The following CCSER1 variants were observed in gnomAD, a reference collection of about 807,000 sequenced individuals.
The protein encoded by CCSER1 is serine-rich coiled-coil domain-containing protein 1.
In CCSER1, 41 loss-of-function variants were observed where a neutral mutation model predicts 82.0. The ratio of observed to expected loss-of-function variants is 0.50; its 90% confidence interval spans 0.39 to 0.65. The LOEUF is 0.65. CCSER1 is among the 30% of genes least tolerant of loss of function. The pLI, the probability that CCSER1 is intolerant of heterozygous loss-of-function variation, is 0.00. For synonymous variants in CCSER1, 414 were observed against 383.9 expected, an observed-to-expected ratio of 1.08 and a Z score of -0.92; for missense variants, 1,119 against 1,064.2, an observed-to-expected ratio of 1.05 and a Z score of -0.72.
At chr4:91,166,840 A>T (rs1478818155) in intron 10 of CCSER1, among the ~76,000 whole-genome samples, 2 of 152,152 alleles carry the variant, frequency 1.3e-5, no homozygotes, top group Non-Finnish European at 2.9e-5. Context: ...TTCTCACTTC[A>T]TTCTACTGGG....
chr4:90,467,069 T>C (rs1044865468), intron 4 of CCSER1, among the ~76,000 whole-genome samples: 1 of 151,982 alleles, frequency 6.6e-6, no homozygotes, highest in Non-Finnish European at 1.5e-5. Flanking sequence ...TAATCACACA[T>C]TGAATGAAAT....
intron 7 of CCSER1, chr4:90,782,073 G>A (rs537231286): frequency 5.3e-6 from 3 of 569,942 alleles, no homozygotes; most frequent in Admixed American, 1.3e-4. Context: ...ACTTTCTTGA[G>A]TATTCAAGGA....
intron 1 of CCSER1, among the ~76,000 whole-genome samples, chr4:90,147,118 CTT>C (rs1305693524): frequency 2.7e-5 from 4 of 145,698 alleles, no homozygotes; most frequent in Non-Finnish European, 6.2e-5. Context: ...TGTTTAATAA[CTT>C]AACAGTCATT....
intron 9 of CCSER1, among the ~76,000 whole-genome samples, chr4:91,056,646 A>G (rs1328113391): frequency 6.6e-6 from 1 of 152,172 alleles, no homozygotes; most frequent in Non-Finnish European, 1.5e-5. Context: ...AGATCATAGC[A>G]TAAGCCTGTT....
At chr4:90,778,448 A>G (rs1422510684) in intron 7 of CCSER1, among the ~76,000 whole-genome samples, 2 of 152,098 alleles carry the variant, frequency 1.3e-5, no homozygotes, top group African/African-American at 2.4e-5. Flanking sequence ...AAGCCTTGCT[A>G]TGAAAATATC....
chr4:91,051,699 T>C (rs747358481), intron 9 of CCSER1, among the ~76,000 whole-genome samples: 68 of 152,264 alleles, frequency 4.5e-4, no homozygotes, highest in Non-Finnish European at 9.0e-4. Flanking sequence ...AGGCAGTTTG[T>C]TTTCTGAGGA....
chr4:91,489,691 G>A (rs1455565383), intron 10 of CCSER1, among the ~76,000 whole-genome samples: 6 of 152,096 alleles, frequency 3.9e-5, no homozygotes, highest in Non-Finnish European at 7.4e-5. Flanking sequence ...GGGAGGCTGA[G>A]GTAGGAGAAT....
At chr4:91,143,280 C>CATTA (rs902901343) in intron 10 of CCSER1, among the ~76,000 whole-genome samples, 3 of 151,204 alleles carry the variant, frequency 2.0e-5, no homozygotes, top group Non-Finnish European at 4.4e-5. Context: ...TGGCTCTCAA[C>CATTA]TTGAACATTA....
At chr4:91,547,664 T>A (rs570612244) in intron 10 of CCSER1, among the ~76,000 whole-genome samples, 23 of 152,336 alleles carry the variant, frequency 1.5e-4, no homozygotes, top group African/African-American at 5.5e-4. Flanking sequence ...ATTTCTACGA[T>A]TGAATTTTAA....
At chr4:90,135,935 A>G (rs2153323557) in intron 1 of CCSER1, among the ~76,000 whole-genome samples, 1 of 152,308 alleles carries the variant, frequency 6.6e-6, no homozygotes, top group Non-Finnish European at 1.5e-5. Flanking sequence ...TCTGTATCTT[A>G]TTTGGTGTCC....
intron 6 of CCSER1, among the ~76,000 whole-genome samples, chr4:90,658,325 T>C (rs1254464608): frequency 6.6e-6 from 1 of 152,190 alleles, no homozygotes; most frequent in African/African-American, 2.4e-5. Flanking sequence ...TTCTAAACAT[T>C]ACATCTTAAT....
intron 10 of CCSER1, among the ~76,000 whole-genome samples, chr4:91,423,689 C>T (rs971360810): frequency 6.6e-6 from 1 of 151,980 alleles, no homozygotes; most frequent in Non-Finnish European, 1.5e-5. Context: ...AGAGTTTCCC[C>T]CTATCTACTT....
chr4:91,079,229 G>A (rs1722396511), intron 9 of CCSER1, among the ~76,000 whole-genome samples: 1 of 152,148 alleles, frequency 6.6e-6, no homozygotes, highest in Admixed American at 6.5e-5. Flanking sequence ...AGATCTCTCA[G>A]CAGAAACTCT....
At chr4:90,664,428 GTT>G (rs965085135) in intron 6 of CCSER1, among the ~76,000 whole-genome samples, 12 of 151,806 alleles carry the variant, frequency 7.9e-5, no homozygotes, top group Non-Finnish European at 4.4e-5. Flanking sequence ...GGAAAAGGGA[GTT>G]TTTTTTGTCA....
intron 10 of CCSER1, among the ~76,000 whole-genome samples, chr4:91,226,124 T>C (rs1311994017): frequency 6.6e-6 from 1 of 151,942 alleles, no homozygotes; most frequent in Non-Finnish European, 1.5e-5. Context: ...CATTTAACAT[T>C]AGGTATATCT....
intron 5 of CCSER1, among the ~76,000 whole-genome samples, chr4:90,536,623 A>G (rs1426828022): frequency 6.6e-6 from 1 of 152,202 alleles, no homozygotes; most frequent in Admixed American, 6.5e-5. Flanking sequence ...GGAGAAAGCT[A>G]TGACTTAATG....
intron 3 of CCSER1, among the ~76,000 whole-genome samples, chr4:90,316,867 A>C (rs1404813802): frequency 6.6e-6 from 1 of 152,206 alleles, no homozygotes; most frequent in Non-Finnish European, 1.5e-5. Context: ...GCCGAGAACA[A>C]ATTGGGATTG....
intron 4 of CCSER1, among the ~76,000 whole-genome samples, chr4:90,455,967 G>A (rs1435925243): frequency 6.6e-6 from 1 of 152,164 alleles, no homozygotes; most frequent in Non-Finnish European, 1.5e-5. Flanking sequence ...TGCCTCAGGA[G>A]GGTGTATGGA....
intron 4 of CCSER1, among the ~76,000 whole-genome samples, chr4:90,440,458 G>A (rs1759702321): frequency 6.6e-6 from 1 of 152,178 alleles, no homozygotes; most frequent in South Asian, 2.1e-4. Flanking sequence ...TATGTATTCA[G>A]GGAGGTAAAG....
Sources: gnomAD v4.1 joint callset for allele counts (sites outside exome capture counted in the v4.1 genomes callset) on GRCh38, gnomAD v4.1.1 for gene constraint, MANE v1.5 for transcripts, NCBI Gene and HGNC (gene_info 2026-07-23, HGNC 2026-07-21) for gene names.